Variants in SOX6 observed in about 807,000 individuals in gnomAD.
SOX6 encodes the protein SRY-box transcription factor 6, also known as transcription factor SOX-6.
SOX6 carries 11 observed loss-of-function variants against 97.8 expected under a neutral mutation model. The observed-to-expected ratio is 0.11, with a 90% CI of 0.07 to 0.19. The LOEUF (loss-of-function observed/expected upper bound fraction) is 0.19, where lower values mean the gene tolerates loss of function less well. Among genes scored for constraint, SOX6 ranks in the 10% least tolerant of loss-of-function variants. The probability of loss-of-function intolerance (pLI) is 1.00; values close to 1 mark genes in which losing one functional copy is unlikely to be tolerated. For synonymous variants in SOX6, 360 were observed against 371.4 expected (o/e 0.97, Z 0.35); for missense variants, 810 against 1,039.5 (o/e 0.78, Z 3.04).
chr11:16,184,939 C>A (rs1014323637), intron 5 of SOX6, among the ~76,000 whole-genome samples: 15 of 152,114 alleles, frequency 9.9e-5, no homozygotes, highest in Non-Finnish European at 1.8e-4. Flanking sequence ...TCAAGAGTGT[C>A]TTTTCTTCCT....
intron 6 of SOX6, among the ~76,000 whole-genome samples, chr11:16,133,770 C>T (rs2134026993): frequency 6.6e-6 from 1 of 152,278 alleles, no homozygotes; most frequent in Middle Eastern, 3.4e-3. Flanking sequence ...CTCATTGCAA[C>T]CTCTGCCTCC....
At chr11:16,519,881 T>C (rs1203905945) in intron 4 of SOX6, among the ~76,000 whole-genome samples, 1 of 152,234 alleles carries the variant, frequency 6.6e-6, no homozygotes, top group Non-Finnish European at 1.5e-5. Context: ...GACTTTTTAA[T>C]AGCAATTTTG....
intron 4 of SOX6, among the ~76,000 whole-genome samples, chr11:16,516,472 G>A (rs991853346): frequency 1.3e-4 from 19 of 151,796 alleles, no homozygotes; most frequent in Non-Finnish European, 2.2e-4. Flanking sequence ...TCAAATAGAC[G>A]CAATAAAAAA....
At chr11:16,536,245 T>A (rs1224015162) in intron 4 of SOX6, among the ~76,000 whole-genome samples, 1 of 152,258 alleles carries the variant, frequency 6.6e-6, no homozygotes, top group South Asian at 2.1e-4. Context: ...CACATTTGAA[T>A]GTACCATTTC....
chr11:16,183,815 A>G, intron 6 of SOX6, 71 bp downstream of exon 6: 1 of 1,396,478 alleles, frequency 7.2e-7, no homozygotes, highest in Non-Finnish European at 1.0e-6. Context: ...ACATCTGCAG[A>G]GTTTTAAATT....
chr11:16,496,689 A>G (rs1860603522), intron 4 of SOX6, among the ~76,000 whole-genome samples: 1 of 152,218 alleles, frequency 6.6e-6, no homozygotes, highest in South Asian at 2.1e-4. Flanking sequence ...CCTGGATCAG[A>G]GGGTCCTACG....
intron 2 of SOX6, among the ~76,000 whole-genome samples, chr11:16,735,131 G>A (rs1848382184): frequency 6.6e-6 from 1 of 152,100 alleles, no homozygotes; most frequent in African/African-American, 2.4e-5. Flanking sequence ...AATTTAAATG[G>A]AGAAGTATTA....
intron 1 of SOX6, among the ~76,000 whole-genome samples, chr11:16,448,977 C>G (rs547741244): frequency 6.6e-6 from 1 of 152,248 alleles, no homozygotes; most frequent in East Asian, 1.9e-4. Flanking sequence ...GGCTGCAGTG[C>G]AAGCTATGAT....
intron 12 of SOX6, among the ~76,000 whole-genome samples, chr11:16,023,987 C>G (rs1172179743): frequency 6.6e-6 from 1 of 152,096 alleles, no homozygotes; most frequent in Admixed American, 6.5e-5. Context: ...ATAGGTACCC[C>G]TAGTACCTCA....
In SOX6 at chr11:16,733,757, T is replaced by C. The variant is rs933923766; in HGVS notation, n.353+2582A>G. On this transcript the variant is annotated intron_variant and non_coding_transcript_variant, in intron 2 of 5. Coordinates refer to the SOX6 transcript ENST00000524520. ...AAAAAAAAAAAAGGGCCAGGCACGG[T>C]GGCTCACGTCTGTAATCCCAGCACT... is the stretch of plus-strand genomic sequence containing the variant. Among the ~76,000 whole-genome samples, 3 of 145,414 alleles carry C rather than the reference T, an allele frequency of 2.1e-5. No individual in the cohort carries two copies. The East Asian group carries it at 6.0e-4, about 29-fold the overall frequency.
chr11:16,311,085 C>T (rs2134289649), intron 3 of SOX6, among the ~76,000 whole-genome samples: 1 of 152,178 alleles, frequency 6.6e-6, no homozygotes, highest in Admixed American at 6.6e-5. Context: ...AGTGGGGAAA[C>T]TTTAGTATCA....
Position 16,520,835 on chromosome 11 carries a change from C to A in SOX6, n.610-44447G>T, listed in dbSNP as rs558130291. Among the ~76,000 whole-genome samples, 49 of 152,388 alleles carry A rather than the reference C, an allele frequency of 3.2e-4. 1 individual carries two copies. In the South Asian group the frequency reaches 7.5e-3, roughly 23 times the overall value. On this transcript the variant is annotated intron_variant and non_coding_transcript_variant, in intron 4 of 5. Transcript: ENST00000524520. ...CACACCAGGAGATTATATCCAGCACCTGGCTCAGAGGGTTCTACGCCCACG... is the reference window on the plus strand; with the variant it reads ...CACACCAGGAGATTATATCCAGCACATGGCTCAGAGGGTTCTACGCCCACG...
chr11:16,621,698 T>C (rs1313677064), intron 3 of SOX6, among the ~76,000 whole-genome samples: 1 of 152,076 alleles, frequency 6.6e-6, no homozygotes, highest in African/African-American at 2.4e-5. Flanking sequence ...TTTTTTCAGG[T>C]TTCCAAGTTT....
At chr11:16,644,576 A>T (rs1848982489) in intron 3 of SOX6, among the ~76,000 whole-genome samples, 1 of 151,628 alleles carries the variant, frequency 6.6e-6, no homozygotes, top group Non-Finnish European at 1.5e-5. Flanking sequence ...TTTCATTCCA[A>T]GGTTATTGGG....
chr11:16,048,250 C>G (rs1170678179), intron 11 of SOX6, among the ~76,000 whole-genome samples: 1 of 152,170 alleles, frequency 6.6e-6, no homozygotes, highest in Non-Finnish European at 1.5e-5. Flanking sequence ...TATTCACATG[C>G]TGGAAATGAT....
chr11:16,198,643 C>T (rs1420272860), intron 4 of SOX6, among the ~76,000 whole-genome samples: 2 of 152,098 alleles, frequency 1.3e-5, no homozygotes, highest in East Asian at 3.9e-4. Flanking sequence ...TGGACATCAC[C>T]TTTTGAAGAG....
intron 1 of SOX6, among the ~76,000 whole-genome samples, chr11:16,349,780 A>G (rs1026365281): frequency 5.3e-5 from 8 of 150,340 alleles, no homozygotes; most frequent in African/African-American, 2.0e-4. Flanking sequence ...GAAAGCAAGC[A>G]AGAAAGAAAA....
At chr11:16,699,500 T>C (rs900696841) in intron 3 of SOX6, among the ~76,000 whole-genome samples, 1 of 152,202 alleles carries the variant, frequency 6.6e-6, no homozygotes, top group Non-Finnish European at 1.5e-5. Context: ...TTGCTATCTC[T>C]GGAGTGGAGC....
intron 3 of SOX6, among the ~76,000 whole-genome samples, chr11:16,683,735 G>C (rs571324143): frequency 1.3e-5 from 2 of 152,284 alleles, no homozygotes; most frequent in Admixed American, 1.3e-4. Flanking sequence ...ATTGACAAAT[G>C]GGATCTAATT....
Sources: gnomAD v4.1 joint callset for allele counts (sites outside exome capture counted in the v4.1 genomes callset) on GRCh38, gnomAD v4.1.1 for gene constraint, MANE v1.5 for transcripts, NCBI Gene and HGNC (gene_info 2026-07-23, HGNC 2026-07-21) for gene names.